The following SH3PXD2B variants were observed in gnomAD, a reference collection of about 807,000 sequenced individuals.
SH3PXD2B encodes SH3 and PX domains 2B, also known as SH3 and PX domain-containing protein 2B.
Under a neutral mutation model 73.1 loss-of-function variants are expected in SH3PXD2B, and 37 were observed. The observed-to-expected ratio is 0.51, with a 90% CI of 0.39 to 0.67. SH3PXD2B has a LOEUF of 0.67. SH3PXD2B is among the 30% of genes least tolerant of loss of function. SH3PXD2B has a pLI of 0.00. For missense variants in SH3PXD2B, 1,053 were observed against 1,197.8 expected (o/e 0.88, Z 1.78); for synonymous variants, 457 against 480.5 (o/e 0.95, Z 0.64).
At position 172,403,484 on chromosome 5, in the gene SH3PXD2B, C is replaced by T. The variant is rs114313355; in HGVS notation, c.232+2793G>A. Among the ~76,000 whole-genome samples the T allele has an allele frequency of 8.5e-3, 1,111 of 130,896 alleles. 14 individuals carry two copies. The highest frequency in any genetic ancestry group is 0.032 in the African/African-American group (1,060 of 32,974). The allele number at this position is 130,896 out of a possible 152,430, so 85.9% of individuals were successfully genotyped here. On this transcript the variant is annotated intron_variant, in intron 3 of 12. Transcript: ENST00000311601. ...GGTGGTCCGGGGTCCTGGGGCCCAG[C>T]GGGGTCCTGGGGTCCAGCAGGACCT...
At chr5:172,397,798 T>C (rs1185886487) in intron 3 of SH3PXD2B, among the ~76,000 whole-genome samples, 3 of 152,198 alleles carry the variant, frequency 2.0e-5, no homozygotes, top group Admixed American at 1.3e-4. Flanking sequence ...GTAACTCTTA[T>C]AGTGCTCCCA....
intron 2 of SH3PXD2B, among the ~76,000 whole-genome samples, chr5:172,407,833 C>T (rs1758596513): frequency 1.3e-5 from 2 of 152,198 alleles, no homozygotes; most frequent in South Asian, 2.1e-4. Context: ...AGAAACATTC[C>T]CTCATTAAAT....
chr5:172,351,366 G>A (rs1252822197), intron 9 of SH3PXD2B, among the ~76,000 whole-genome samples: 2 of 152,192 alleles, frequency 1.3e-5, no homozygotes, highest in Non-Finnish European at 2.9e-5. Context: ...AGACTCAAGT[G>A]ATCTTCCTGT....
In SH3PXD2B at chr5:172,334,905, C is replaced by T; in HGVS notation, c.*3464G>A. 2.0e-6 allele frequency: 2 copies of T among 985,404 alleles called. No homozygotes were observed. The highest frequency in any genetic ancestry group is 2.4e-6 in the Non-Finnish European group (2 of 829,942). The allele number at this position is 985,404 out of a possible 1,614,324, so 61.0% of individuals were successfully genotyped here. On this transcript the variant is annotated 3_prime_UTR_variant, in exon 13 of 13. Transcript: ENST00000311601. ...AACATTTTAGGGCCAAGAACATTGA[C>T]TTGGAAATTGATTCTATGGCGTGGC...
downstream of SH3PXD2B, among the ~76,000 whole-genome samples, chr5:172,330,854 A>G (rs1460530552): frequency 6.6e-6 from 1 of 152,262 alleles, no homozygotes; most frequent in Non-Finnish European, 1.5e-5. Flanking sequence ...GAAGATTAAA[A>G]GAGATAACAT....
intron 6 of SH3PXD2B, 95 bp downstream of exon 6, chr5:172,373,695 C>T: frequency 1.4e-6 from 2 of 1,401,208 alleles, no homozygotes; most frequent in African/African-American, 2.8e-5. Flanking sequence ...ATCACTGTAT[C>T]CTCAGCATGG....
chr5:172,415,579 T>C (rs918223135), intron 2 of SH3PXD2B, among the ~76,000 whole-genome samples: 14 of 152,206 alleles, frequency 9.2e-5, no homozygotes, highest in Non-Finnish European at 1.3e-4. Flanking sequence ...ACTGACCTCA[T>C]GCCTGTGAGG....
chr5:172,428,285 A>T (rs1484844575), intron 1 of SH3PXD2B, among the ~76,000 whole-genome samples: 2 of 152,212 alleles, frequency 1.3e-5, no homozygotes, highest in African/African-American at 4.8e-5. Flanking sequence ...ACTTAAAGAG[A>T]CACTTCATGC....
chr5:172,339,573 A>G lies in SH3PXD2B; in HGVS notation c.1532T>C (p.Ile511Thr). ...CTTCTCCTCCATGTCGGGGTCTGAGATCTCCTCGTAGCCTGCTGACGCAGA... is the reference window on the plus strand; with the variant it reads ...CTTCTCCTCCATGTCGGGGTCTGAGGTCTCCTCGTAGCCTGCTGACGCAGA... ...DMSASAGYEE[I>T]SDPDMEEKPS... Residue 511 changes from isoleucine (I) to threonine (T), a missense_variant, in exon 13 of 13, where the codon ATC becomes ACC. Physicochemically the swap from Ile to Thr is moderately conservative, Grantham distance 89 (BLOSUM62 -1). Coordinates refer to ENST00000311601, the MANE Select transcript of SH3PXD2B (RefSeq NM_001017995.3). The surrounding 1 kb of genome is among the most constrained non-coding windows in gnomAD (Gnocchi z 6.1). The G allele has an allele frequency of 1.2e-6, 2 of 1,614,142 alleles. No homozygotes were observed. Among genetic ancestry groups the G allele is most frequent in the Non-Finnish European group, 1.7e-6 (2 of 1,180,028 alleles).
rs570713079 is a variant in SH3PXD2B at position 172,440,978 on chromosome 5, T to C, written c.75+13300A>G. 9.8e-5 allele frequency among the ~76,000 whole-genome samples: 15 copies of C among 152,304 alleles called. No homozygotes were observed. The East Asian group carries it at 1.7e-3, about 18-fold the overall frequency. ...ACACCCCTGGTACAGTGGTGGCTTA[T>C]AACCCCCTTCCACGTAAGCAAGAGT... On this transcript the variant is annotated intron_variant, in intron 1 of 12. Coordinates refer to ENST00000311601, the MANE Select transcript of SH3PXD2B (RefSeq NM_001017995.3).
At chr5:172,370,037 T>C (rs1757666584) in intron 6 of SH3PXD2B, among the ~76,000 whole-genome samples, 1 of 152,104 alleles carries the variant, frequency 6.6e-6, no homozygotes, top group South Asian at 2.1e-4. Flanking sequence ...AAATATTGAA[T>C]GAATAACTGT....
At chr5:172,397,082 C>T (rs928020649) in intron 3 of SH3PXD2B, among the ~76,000 whole-genome samples, 11 of 152,124 alleles carry the variant, frequency 7.2e-5, no homozygotes, top group Non-Finnish European at 2.9e-5. Context: ...AGAAATATTG[C>T]TGAATTCTTT....
chr5:172,439,463 A>G (rs1018456285), intron 1 of SH3PXD2B, among the ~76,000 whole-genome samples: 1 of 152,008 alleles, frequency 6.6e-6, no homozygotes, highest in Non-Finnish European at 1.5e-5. Context: ...GCTGAGGGCT[A>G]AAGGCGCTAA....
At chr5:172,327,975 G>C (rs552123109) in intron 12 of SH3PXD2B, among the ~76,000 whole-genome samples, 3 of 151,858 alleles carry the variant, frequency 2.0e-5, no homozygotes, top group Non-Finnish European at 1.5e-5. Context: ...GGCTGGTCTC[G>C]AACTCCTGAC....
chr5:172,428,467 A>G (rs555215123), intron 1 of SH3PXD2B, among the ~76,000 whole-genome samples: 1 of 152,348 alleles, frequency 6.6e-6, no homozygotes, highest in Admixed American at 6.5e-5. Flanking sequence ...ACCCTCATGC[A>G]TTGCTGGTGG....
intron 10 of SH3PXD2B, 101 bp downstream of exon 10, chr5:172,350,262 G>A: frequency 1.7e-6 from 2 of 1,156,988 alleles, no homozygotes; most frequent in Non-Finnish European, 2.5e-6. Context: ...TGGGGGAGCA[G>A]CTGGGCTGCT....
chr5:172,450,621 A>C (rs911765025), intron 1 of SH3PXD2B, among the ~76,000 whole-genome samples: 1 of 152,118 alleles, frequency 6.6e-6, no homozygotes, highest in African/African-American at 2.4e-5. Flanking sequence ...CTTAACATTT[A>C]AAGATCTTGA....
At chr5:172,327,124 T>C (rs1469961376) in intron 12 of SH3PXD2B, among the ~76,000 whole-genome samples, 1 of 152,086 alleles carries the variant, frequency 6.6e-6, no homozygotes, top group Non-Finnish European at 1.5e-5. Flanking sequence ...CCTCCCAAAG[T>C]GTTGGGATTA....
At chr5:172,333,046 C>T (rs1309607179), downstream of SH3PXD2B, among the ~76,000 whole-genome samples, 1 of 151,972 alleles carries the variant, frequency 6.6e-6, no homozygotes, top group East Asian at 1.9e-4. Context: ...AACAATTCTC[C>T]TGCCTCAGCC....
Sources: allele counts gnomAD v4.1 joint callset (sites outside exome capture counted in the v4.1 genomes callset), GRCh38; gene constraint gnomAD v4.1.1; non-coding constraint Gnocchi (gnomAD v3.1); transcripts MANE v1.5; gene names NCBI Gene and HGNC (gene_info 2026-07-23, HGNC 2026-07-21).